Variants in ZNF519 observed in about 807,000 individuals in gnomAD.
ZNF519 encodes similar to Zinc finger protein 85 (Zinc finger protein HPF4) (HTF1).
A neutral mutation model predicts 7.4 loss-of-function variants in ZNF519; 7 were observed. The ratio of observed to expected loss-of-function variants is 0.94; its 90% CI spans 0.54 to 1.77. The LOEUF is 1.77. Ranked by LOEUF, ZNF519 falls within the 40% of genes most tolerant of loss-of-function variation. The probability of loss-of-function intolerance (pLI) is 0.00; values close to 1 mark genes in which losing one functional copy is unlikely to be tolerated. For synonymous variants in ZNF519, 179 were observed against 203.3 expected, an observed-to-expected ratio of 0.88 and a Z score of 1.02; for missense variants, 586 against 623.1, an observed-to-expected ratio of 0.94 and a Z score of 0.63.
At position 14,105,079 on chromosome 18, in the gene ZNF519, G is replaced by T. The variant is rs554516279; in HGVS notation, c.1461C>A (p.Phe487Leu). 4.7e-5 allele frequency: 75 copies of T among 1,607,698 alleles called. 1 individual carries two copies. The South Asian group carries it at 8.1e-4, about 17-fold the overall frequency. ...QHQRVHTGEKFFKCKECGKAF... is the reference protein window; with the variant it reads ...QHQRVHTGEKLFKCKECGKAF... ...CTTTGCCACATTCTTTACATTTGAA[G>T]AATTTCTCTCCAGTATGGACTCTCT... Residue 487 changes from phenylalanine to leucine, a missense_variant, in exon 3 of 3, where the codon TTC becomes TTA. Phe to Leu is a conservative substitution (Grantham distance 22, BLOSUM62 0). Transcript: ENST00000590202.
At chr18:14,090,178 T>C (rs917097883) in intron 2 of ZNF519, 21 of 152,212 alleles carry the variant, frequency 1.4e-4, no homozygotes, top group Non-Finnish European at 2.8e-4. Flanking sequence ...ACATAAGGCA[T>C]GAAAAGCAGC....
At chr18:14,089,588 G>C (rs910822599) in intron 2 of ZNF519, among the ~76,000 whole-genome samples, 3 of 152,016 alleles carry the variant, frequency 2.0e-5, no homozygotes, top group African/African-American at 7.3e-5. Flanking sequence ...TCAAAACAGG[G>C]GCTGCATATG....
intron 1 of ZNF519, among the ~76,000 whole-genome samples, chr18:14,130,091 T>A (rs2046322264): frequency 6.6e-6 from 1 of 151,972 alleles, no homozygotes; most frequent in African/African-American, 2.4e-5. Flanking sequence ...TCAATAATAC[T>A]CTCTCTTCTT....
At chr18:14,094,064 C>T (rs944063837) in intron 2 of ZNF519, among the ~76,000 whole-genome samples, 9 of 152,156 alleles carry the variant, frequency 5.9e-5, no homozygotes, top group African/African-American at 1.9e-4. Context: ...TGCTTTAATG[C>T]GTGTGTTTCT....
At chr18:14,126,721 C>T (rs1052683626) in intron 1 of ZNF519, among the ~76,000 whole-genome samples, 1 of 152,196 alleles carries the variant, frequency 6.6e-6, no homozygotes, top group Non-Finnish European at 1.5e-5. Context: ...AAAACTGAAG[C>T]AACTCCCATC....
At chr18:14,081,699 A>C (rs2046071101) in intron 3 of ZNF519, among the ~76,000 whole-genome samples, 1 of 152,142 alleles carries the variant, frequency 6.6e-6, no homozygotes, top group Non-Finnish European at 1.5e-5. Context: ...ACTTTCAGAG[A>C]GGGATGGTGT....
chr18:14,086,655 G>A (rs1437662641), intron 2 of ZNF519, among the ~76,000 whole-genome samples: 7 of 152,152 alleles, frequency 4.6e-5, no homozygotes, highest in South Asian at 2.1e-4. Flanking sequence ...GAGCTGTTCC[G>A]GCCCCAGGCA....
At chr18:14,092,606 C>T (rs1483177590) in intron 2 of ZNF519, among the ~76,000 whole-genome samples, 6 of 152,230 alleles carry the variant, frequency 3.9e-5, no homozygotes, top group South Asian at 2.1e-4. Context: ...CAGAAAGCCT[C>T]GACAGTGACC....
chr18:14,095,884 C>T (rs1431999463), downstream of ZNF519, among the ~76,000 whole-genome samples: 1 of 152,222 alleles, frequency 6.6e-6, no homozygotes, highest in East Asian at 1.9e-4. Context: ...CATCCAAATC[C>T]CATGCTGCCA....
downstream of ZNF519, among the ~76,000 whole-genome samples, chr18:14,098,655 A>C (rs1170873147): frequency 6.6e-6 from 1 of 152,180 alleles, no homozygotes; most frequent in African/African-American, 2.4e-5. Flanking sequence ...TTCTCTGAGA[A>C]CTAGTTTCTC....
chr18:14,095,961 C>T (rs1453831489), downstream of ZNF519, among the ~76,000 whole-genome samples: 1 of 152,236 alleles, frequency 6.6e-6, no homozygotes, highest in Admixed American at 6.5e-5. Flanking sequence ...GTGGGGTTCA[C>T]TCGTGGCCTA....
intron 2 of ZNF519, among the ~76,000 whole-genome samples, chr18:14,113,545 T>C (rs956361250): frequency 6.6e-6 from 1 of 152,182 alleles, no homozygotes; most frequent in Non-Finnish European, 1.5e-5. Flanking sequence ...TTTGGTAAAA[T>C]AAACTACTTA....
At chr18:14,114,203 C>T (rs916837178) in intron 2 of ZNF519, among the ~76,000 whole-genome samples, 6 of 152,150 alleles carry the variant, frequency 3.9e-5, no homozygotes, top group African/African-American at 1.4e-4. Context: ...TTATTCAAGA[C>T]ATCTTTACCC....
chr18:14,112,698 T>A (rs897304340), intron 2 of ZNF519, among the ~76,000 whole-genome samples: 6 of 152,030 alleles, frequency 3.9e-5, no homozygotes, highest in African/African-American at 1.2e-4. Flanking sequence ...CAAATTAAAA[T>A]AAAATACCTA....
chr18:14,120,931 GT>G (rs1246457369), intron 2 of ZNF519, among the ~76,000 whole-genome samples: 1 of 151,990 alleles, frequency 6.6e-6, no homozygotes, highest in Non-Finnish European at 1.5e-5. Flanking sequence ...GTTCGTTGTA[GT>G]ATTGTTTACA....
Position 14,103,841 on chromosome 18 carries a change from C to T in ZNF519, c.*1076G>A, listed in dbSNP as rs900667697. The T allele has an allele frequency of 6.6e-6, 1 of 152,042 alleles. No homozygotes were observed. Among genetic ancestry groups the T allele is most frequent in the Non-Finnish European group, 1.5e-5 (1 of 67,958 alleles). 9.4% of individuals were successfully genotyped at this position (152,042 alleles called of 1,614,324 possible). A position where few individuals can be genotyped will look rare whatever the true frequency, so the allele number is the denominator to read the frequency against. On this transcript the variant is annotated 3_prime_UTR_variant, in exon 3 of 3. Coordinates refer to ENST00000590202, the MANE Select transcript of ZNF519 (RefSeq NM_145287.4). ...AGTTAACATTTTTGTCAGGATAAGACATTATTCAATAAGCAACAGTGTTAA... is the reference window on the plus strand; with the variant it reads ...AGTTAACATTTTTGTCAGGATAAGATATTATTCAATAAGCAACAGTGTTAA...
chr18:14,131,834 G>GC (rs1186158277), intron 1 of ZNF519, among the ~76,000 whole-genome samples: 2 of 152,182 alleles, frequency 1.3e-5, no homozygotes, highest in East Asian at 3.9e-4. Context: ...CCTTCTAGTA[G>GC]CCCCCCAACC....
chr18:14,104,997 G>GAA lies in ZNF519; in HGVS notation c.1542_1543insTT (p.Pro515PhefsTer23). On this transcript the variant is annotated frameshift_variant, in exon 3 of 3. Transcript: ENST00000590202. LOFTEE classifies it low-confidence loss of function (END_TRUNC). ...TTGCCACATTCTTTACATTTGAAAG[G>GAA]TTTCTCTCCAGTATGAATTCTCTGA... The GAA allele has an allele frequency of 6.3e-7, 1 of 1,599,090 alleles. No individual in the cohort carries two copies. Among genetic ancestry groups the GAA allele is most frequent in the Non-Finnish European group, 8.5e-7 (1 of 1,172,194 alleles).
At chr18:14,094,138 T>C (rs1352102994) in intron 2 of ZNF519, among the ~76,000 whole-genome samples, 1 of 152,188 alleles carries the variant, frequency 6.6e-6, no homozygotes, top group Non-Finnish European at 1.5e-5. Flanking sequence ...CCATACATAT[T>C]TATGTGGCAG....
Sources: gnomAD v4.1 joint callset for allele counts (sites outside exome capture counted in the v4.1 genomes callset) on GRCh38, gnomAD v4.1.1 for gene constraint, MANE v1.5 for transcripts, NCBI Gene and HGNC (gene_info 2026-07-23, HGNC 2026-07-21) for gene names.